The following MICU2 variants were observed in gnomAD, a reference collection of about 807,000 sequenced individuals.
The protein encoded by MICU2 is calcium uptake protein 2, mitochondrial.
MICU2 carries 64 observed loss-of-function variants against 60.4 expected under a neutral mutation model. The ratio of observed to expected loss-of-function variants is 1.06; its 90% CI spans 0.87 to 1.31. The LOEUF (loss-of-function observed/expected upper bound fraction) is 1.31. Among genes scored for constraint, MICU2 ranks in the 50% most tolerant of loss-of-function variants. MICU2 has a pLI of 0.00. For missense variants in MICU2, 569 were observed against 531.0 expected, an observed-to-expected ratio of 1.07 and a Z score of -0.70; for synonymous variants, 201 against 175.0, an observed-to-expected ratio of 1.15 and a Z score of -1.17.
chr13:21,500,162 G>T (rs1886109862), intron 9 of MICU2, among the ~76,000 whole-genome samples: 1 of 152,132 alleles, frequency 6.6e-6, no homozygotes, highest in African/African-American at 2.4e-5. Flanking sequence ...ATGCCCATGG[G>T]GCTTGGGAGG....
At chr13:21,588,188 T>C (rs1888500580) in intron 1 of MICU2, among the ~76,000 whole-genome samples, 1 of 152,190 alleles carries the variant, frequency 6.6e-6, no homozygotes, top group Admixed American at 6.5e-5. Flanking sequence ...TAGAGGATCA[T>C]AGAAGTTAAA....
Position 21,515,848 on chromosome 13 carries a change from G to A in MICU2, c.598-1430C>T, listed in dbSNP as rs1191356183. Among the ~76,000 whole-genome samples the A allele has an allele frequency of 2.6e-5, 4 of 152,140 alleles. No homozygotes were observed. The East Asian group carries it at 7.7e-4, about 29-fold the overall frequency. Reference sequence around the variant, plus strand: ...CTACTTAATTATTTTTGGGAAAAAAGTTAAAAAGCTTTATATTTATTTTAC... The same window carrying A: ...CTACTTAATTATTTTTGGGAAAAAAATTAAAAAGCTTTATATTTATTTTAC... On this transcript the variant is annotated intron_variant, in intron 6 of 11. Coordinates refer to ENST00000382374, the MANE Select transcript of MICU2 (RefSeq NM_152726.3).
chr13:21,566,231 C>T (rs1039527149), intron 2 of MICU2, among the ~76,000 whole-genome samples: 5 of 152,128 alleles, frequency 3.3e-5, no homozygotes, highest in Non-Finnish European at 5.9e-5. Context: ...CTTAGGAAGG[C>T]GTCAGAAAGC....
At position 21,495,152 on chromosome 13, in the gene MICU2, ATC is replaced by A. The variant is rs751606072; in HGVS notation, c.1200+7_1200+8del. On this transcript the variant is annotated splice_region_variant and intron_variant, in intron 11 of 11. Transcript: ENST00000382374. ...TGTAAACATGTATTATATAAAAAAAATCTGTTACCCATAAACCTCGATGCATT... is the reference window on the plus strand; with the variant it reads ...TGTAAACATGTATTATATAAAAAAAATGTTACCCATAAACCTCGATGCATT... The A allele has an allele frequency of 8.2e-6, 13 of 1,587,778 alleles. No homozygotes were observed. The highest frequency in any genetic ancestry group is 7.5e-5 in the Admixed American group (4 of 53,552).
At chr13:21,598,265 G>A (rs752309990) in intron 1 of MICU2, among the ~76,000 whole-genome samples, 1 of 152,092 alleles carries the variant, frequency 6.6e-6, no homozygotes, top group East Asian at 1.9e-4. Context: ...AGAAAATTTA[G>A]GGAGTAAATG....
chr13:21,541,148 T>C (rs1253184522), intron 2 of MICU2, among the ~76,000 whole-genome samples: 5 of 152,080 alleles, frequency 3.3e-5, no homozygotes, highest in African/African-American at 1.2e-4. Flanking sequence ...GAATTTAAGG[T>C]AGCAAAATGG....
At chr13:21,493,974 G>A (rs1281316781) in intron 11 of MICU2, among the ~76,000 whole-genome samples, 1 of 152,094 alleles carries the variant, frequency 6.6e-6, no homozygotes, top group Non-Finnish European at 1.5e-5. Context: ...TAGCCAAGTG[G>A]AAGCAAAATT....
chr13:21,544,097 C>A (rs1033168688), intron 2 of MICU2, among the ~76,000 whole-genome samples: 1 of 152,120 alleles, frequency 6.6e-6, no homozygotes, highest in Non-Finnish European at 1.5e-5. Context: ...GCTGGGAAAA[C>A]TAGATGTCCA....
rs769229026 is a variant in MICU2 at position 21,502,999 on chromosome 13, A to G, written c.860T>C (p.Leu287Pro). The change falls in exon 9 of 12, where the codon CTA becomes CCA. Residue 287 changes from leucine (L) to proline (P), a missense_variant. Physicochemically the swap from Leu to Pro is moderately conservative, Grantham distance 98. Transcript: ENST00000382374. The part of the protein sequence containing the change: ...FMRKEDFAEW[L>P]LFFTNTENKD... Reference sequence around the variant, plus strand: ...ATTTTCAGTGTTAGTGAAAAAAAGTAGCCACTCTGCAAAGTCTTCTTTTCT... The same window carrying G: ...ATTTTCAGTGTTAGTGAAAAAAAGTGGCCACTCTGCAAAGTCTTCTTTTCT... The G allele has an allele frequency of 1.2e-6, 2 of 1,611,268 alleles. No homozygotes were observed. The highest frequency in any genetic ancestry group is 1.7e-6 in the Non-Finnish European group (2 of 1,179,226).
intron 2 of MICU2, among the ~76,000 whole-genome samples, chr13:21,562,441 AT>A (rs34097809): frequency 0.35 from 53,041 of 151,726 alleles, 9,591 homozygotes; most frequent in South Asian, 0.41. Flanking sequence ...GTTTTGTTTC[AT>A]TTTTTTTGTC....
chr13:21,493,476 A>C, intron 11 of MICU2, 123 bp from the exon 12 acceptor site: 2 of 642,062 alleles, frequency 3.1e-6, no homozygotes, highest in Non-Finnish European at 5.1e-6. Flanking sequence ...AGGGTGAATT[A>C]TGTTGTAAAA....
At position 21,588,775 on chromosome 13, in the gene MICU2, C is replaced by T. The variant is rs144920857; in HGVS notation, c.210+15164G>A. 3.7e-4 allele frequency among the ~76,000 whole-genome samples: 57 copies of T among 152,068 alleles called. 1 individual carries two copies. The highest frequency in any genetic ancestry group is 3.5e-3 in the Admixed American group (54 of 15,260). On this transcript the variant is annotated intron_variant, in intron 1 of 11. Coordinates refer to ENST00000382374, the MANE Select transcript of MICU2 (RefSeq NM_152726.3). Reference sequence around the variant, plus strand: ...ACCAGAGGAAGGAAAAATAAGACATCGTAAAGCAAGAGAAGCCCCTTGGAT... The same window carrying T: ...ACCAGAGGAAGGAAAAATAAGACATTGTAAAGCAAGAGAAGCCCCTTGGAT...
chr13:21,514,782 C>T (rs1886525783), intron 6 of MICU2, among the ~76,000 whole-genome samples: 1 of 151,654 alleles, frequency 6.6e-6, no homozygotes, highest in African/African-American at 2.4e-5. Flanking sequence ...CTTTGTGATC[C>T]ACCCGCCTCG....
intron 2 of MICU2, among the ~76,000 whole-genome samples, chr13:21,544,813 G>A (rs1179368605): frequency 6.6e-6 from 1 of 152,010 alleles, no homozygotes; most frequent in Non-Finnish European, 1.5e-5. Flanking sequence ...CACCAGGCCT[G>A]GCTAATTTTT....
rs561724681 is a variant in MICU2 at position 21,520,760 on chromosome 13, G to A, written c.597+485C>T. 3.3e-5 allele frequency among the ~76,000 whole-genome samples: 5 copies of A among 151,472 alleles called. No homozygotes were observed. The East Asian group carries it at 5.8e-4, about 18-fold the overall frequency. ...ATCTTAGAAAATACCATTTAAACAC[G>A]TTTTCAGCTCTTCAAATATTAGCCT... On this transcript the variant is annotated intron_variant, in intron 6 of 11. Transcript: ENST00000382374.
chr13:21,559,745 G>C (rs1340785871), intron 2 of MICU2, among the ~76,000 whole-genome samples: 1 of 152,010 alleles, frequency 6.6e-6, no homozygotes, highest in Admixed American at 6.6e-5. Context: ...GGCTGGTCTT[G>C]AACTCCTGAC....
intron 7 of MICU2, among the ~76,000 whole-genome samples, chr13:21,511,330 T>C (rs1014778784): frequency 6.6e-6 from 1 of 151,954 alleles, no homozygotes; most frequent in South Asian, 2.1e-4. Context: ...AGCATGGGCA[T>C]GAGGAAAATG....
chr13:21,493,854 T>C (rs1885923283), intron 11 of MICU2, among the ~76,000 whole-genome samples: 2 of 151,958 alleles, frequency 1.3e-5, no homozygotes, highest in African/African-American at 4.8e-5. Context: ...GGACGTGTTT[T>C]GTTAGCTAAA....
In MICU2 at chr13:21,566,833, C is replaced by T. The variant is rs536072102; in HGVS notation, c.322G>A (p.Asp108Asn). 1.2e-6 allele frequency: 2 copies of T among 1,607,936 alleles called. No homozygotes were observed. Among genetic ancestry groups the T allele is most frequent in the African/African-American group, 2.7e-5 (2 of 74,582 alleles). ...HEGEYYMTPR[D>N]FLFSVMFEQM... ...TCAAACATCACTGAGAAGAGGAAGT[C>T]TCGTGGTGTCATATAATATTCTCCT... The change falls in exon 2 of 12, where the codon GAC becomes AAC. Residue 108 changes from aspartate (D) to asparagine (N), a missense_variant. Asp to Asn is a conservative substitution (Grantham distance 23). Coordinates refer to ENST00000382374, the MANE Select transcript of MICU2 (RefSeq NM_152726.3).
Sources: gnomAD v4.1 joint callset for allele counts (sites outside exome capture counted in the v4.1 genomes callset) on GRCh38, gnomAD v4.1.1 for gene constraint, MANE v1.5 for transcripts, NCBI Gene and HGNC (gene_info 2026-07-23, HGNC 2026-07-21) for gene names.